The following CSMD1 variants were observed in gnomAD, a reference collection of about 807,000 sequenced individuals.
CSMD1 encodes the protein CUB and sushi domain-containing protein 1.
CSMD1 carries 213 observed loss-of-function variants against 417.5 expected under a neutral mutation model. The observed-to-expected ratio is 0.51, with a 90% confidence interval of 0.46 to 0.57. CSMD1 has a LOEUF of 0.57. Ranked by LOEUF, CSMD1 falls within the 20% of genes least tolerant of loss-of-function variation. The pLI, the probability that CSMD1 is intolerant of heterozygous loss-of-function variation, is 0.00. For synonymous variants in CSMD1, 2,862 were observed against 1,736.8 expected (o/e 1.65, Z -16.11); for missense variants, 6,923 against 4,529.7 (o/e 1.53, Z -15.17).
intron 1 of CSMD1, among the ~76,000 whole-genome samples, chr8:4,938,593 C>CTTT (rs1807776356): frequency 6.6e-6 from 1 of 152,190 alleles, no homozygotes; most frequent in Admixed American, 6.5e-5. Flanking sequence ...CGGGAAAACG[C>CTTT]ATACTTGCAT....
rs556784213 is a variant in CSMD1, at chr8:4,315,353, A to C, written c.415+104600T>G. 2.6e-5 allele frequency among the ~76,000 whole-genome samples: 4 copies of C among 152,294 alleles called. No individual in the cohort carries two copies. In the East Asian group the frequency reaches 5.8e-4, roughly 22 times the overall value. On this transcript the variant is annotated intron_variant, in intron 3 of 69. Coordinates refer to ENST00000635120, the MANE Select transcript of CSMD1 (RefSeq NM_033225.6). ...CTGCTGTTGCTGCACTGTGAGCCCC[A>C]GGTGGCAGGTACCAGCCTGCCTCAT... is the stretch of plus-strand genomic sequence containing the variant.
intron 3 of CSMD1, among the ~76,000 whole-genome samples, chr8:4,200,123 G>C (rs1344580826): frequency 6.6e-6 from 1 of 152,148 alleles, no homozygotes; most frequent in Non-Finnish European, 1.5e-5. Context: ...ACAACTGAAT[G>C]AGATTTCCTT....
chr8:3,853,754 G>C (rs1289597768), intron 5 of CSMD1, among the ~76,000 whole-genome samples: 1 of 151,514 alleles, frequency 6.6e-6, no homozygotes, highest in Admixed American at 6.6e-5. Flanking sequence ...AGCATTAGGA[G>C]ATATACCTAA....
chr8:3,647,733 G>C (rs2117359969), intron 7 of CSMD1, among the ~76,000 whole-genome samples: 1 of 152,312 alleles, frequency 6.6e-6, no homozygotes, highest in East Asian at 1.9e-4. Context: ...TTAAAGTATT[G>C]ATTGGAGGGA....
Position 3,308,317 on chromosome 8 carries a change from C to G in CSMD1, c.3818G>C (p.Cys1273Ser). 6.2e-7 allele frequency: 1 copy of G among 1,607,090 alleles called. No individual in the cohort carries two copies. The highest frequency in any genetic ancestry group is 8.5e-7 in the Non-Finnish European group (1 of 1,174,936). The stretch of plus-strand genomic sequence containing the variant: ...ATGACTGCTTCCACACTCACCTATG[C>G]ACGAAGGTAGTGGTTTGTCCCACAC... ...RRVWDKPLPS[C>S]IAECGGQIHA... The change falls in exon 24 of 70, where the codon TGC becomes TCC. Residue 1273 changes from cysteine (C) to serine (S), a missense_variant. Transcript: ENST00000635120.
At chr8:3,210,797 A>C (rs1006943289) in intron 30 of CSMD1, among the ~76,000 whole-genome samples, 2 of 151,588 alleles carry the variant, frequency 1.3e-5, no homozygotes, top group Admixed American at 1.3e-4. Context: ...TCTATGGCTA[A>C]AGTTTTATCA....
intron 3 of CSMD1, among the ~76,000 whole-genome samples, chr8:4,272,493 C>G (rs1203495155): frequency 6.6e-6 from 1 of 152,126 alleles, no homozygotes; most frequent in East Asian, 1.9e-4. Context: ...TATACACGAT[C>G]ACAGTATTTC....
chr8:3,432,070 T>A (rs780539400), intron 12 of CSMD1, among the ~76,000 whole-genome samples: 1 of 152,162 alleles, frequency 6.6e-6, no homozygotes, highest in African/African-American at 2.4e-5. Flanking sequence ...AACATAATAA[T>A]AGGGTCTGAG....
At chr8:4,371,888 A>G (rs1231961123) in intron 3 of CSMD1, among the ~76,000 whole-genome samples, 11 of 152,378 alleles carry the variant, frequency 7.2e-5, no homozygotes, top group Non-Finnish European at 1.2e-4. Context: ...TGTGGAGGCC[A>G]TGCAAGTTAA....
At chr8:4,539,892 G>A (rs1321687009) in intron 2 of CSMD1, among the ~76,000 whole-genome samples, 2 of 152,064 alleles carry the variant, frequency 1.3e-5, no homozygotes, top group East Asian at 3.9e-4. Flanking sequence ...CCCCAGAGAG[G>A]TTGGGTGTGC....
chr8:3,640,891 T>C (rs1797272776), intron 7 of CSMD1, among the ~76,000 whole-genome samples: 1 of 152,102 alleles, frequency 6.6e-6, no homozygotes. Context: ...GTATCCAATA[T>C]GTGGCATTAA....
At chr8:4,714,092 C>A (rs952582365) in intron 1 of CSMD1, among the ~76,000 whole-genome samples, 2 of 152,014 alleles carry the variant, frequency 1.3e-5, no homozygotes, top group African/African-American at 4.8e-5. Context: ...TTGCAGTGAG[C>A]CAAGATCATG....
chr8:4,068,786 A>G (rs1799392402), intron 3 of CSMD1, among the ~76,000 whole-genome samples: 1 of 152,222 alleles, frequency 6.6e-6, no homozygotes, highest in Non-Finnish European at 1.5e-5. Flanking sequence ...TTAGAATATT[A>G]CATAATAAAA....
At position 4,775,759 on chromosome 8, in the gene CSMD1, T is replaced by A. The variant is rs537885708; in HGVS notation, c.86-138201A>T. Among the ~76,000 whole-genome samples, 20 of 152,310 alleles carry A rather than the reference T, an allele frequency of 1.3e-4. No individual in the cohort carries two copies. The East Asian group carries it at 2.7e-3, about 21-fold the overall frequency. On this transcript the variant is annotated intron_variant, in intron 1 of 69. Coordinates refer to ENST00000635120, the MANE Select transcript of CSMD1 (RefSeq NM_033225.6). ...GAATGTGTCCTGCCATCCAAGAGTC[T>A]GCTCACTCGTGTGGATGTGGATGCA...
At chr8:3,044,011 A>G (rs990345453) in intron 50 of CSMD1, among the ~76,000 whole-genome samples, 1 of 152,220 alleles carries the variant, frequency 6.6e-6, no homozygotes, top group South Asian at 2.1e-4. Context: ...CAGGGGAAAA[A>G]AAAGCACTAA....
At chr8:3,718,835 AT>A (rs1194153958) in intron 6 of CSMD1, among the ~76,000 whole-genome samples, 5 of 152,150 alleles carry the variant, frequency 3.3e-5, no homozygotes, top group African/African-American at 1.2e-4. Context: ...CATAAGCAGG[AT>A]TTAACTTGGA....
At chr8:4,311,014 G>A (rs1369343438) in intron 3 of CSMD1, among the ~76,000 whole-genome samples, 1 of 152,204 alleles carries the variant, frequency 6.6e-6, no homozygotes, top group Non-Finnish European at 1.5e-5. Flanking sequence ...AAGTGGCAAG[G>A]ATGTGGAGAA....
chr8:2,967,123 G>C (rs1184172243), intron 57 of CSMD1, among the ~76,000 whole-genome samples: 1 of 152,104 alleles, frequency 6.6e-6, no homozygotes, highest in Non-Finnish European at 1.5e-5. Context: ...TTTTAAAAAA[G>C]AATATCTATG....
intron 2 of CSMD1, among the ~76,000 whole-genome samples, chr8:4,542,263 A>G (rs1797423225): frequency 6.6e-6 from 1 of 152,012 alleles, no homozygotes; most frequent in South Asian, 2.1e-4. Flanking sequence ...TTTTTTTGAA[A>G]TATTAGGATA....
Sources: allele counts gnomAD v4.1 joint callset (sites outside exome capture counted in the v4.1 genomes callset), GRCh38; gene constraint gnomAD v4.1.1; transcripts MANE v1.5; gene names NCBI Gene and HGNC (gene_info 2026-07-23, HGNC 2026-07-21).